Variants in TC2N observed in about 807,000 individuals in gnomAD.
The protein encoded by TC2N is tandem C2 domains nuclear protein.
A neutral mutation model predicts 61.9 loss-of-function variants in TC2N; 51 were observed. That is an observed-to-expected ratio of 0.82 (90% CI 0.66 to 1.04). The LOEUF is 1.04. Ranked by LOEUF, TC2N falls within the 50% of genes least tolerant of loss-of-function variation. TC2N has a pLI of 0.00. For synonymous variants in TC2N, 204 were observed against 192.6 expected, an observed-to-expected ratio of 1.06 and a Z score of -0.49; for missense variants, 556 against 566.7, an observed-to-expected ratio of 0.98 and a Z score of 0.19.
chr14:91,839,840 C>T (rs1888131396), intron 1 of TC2N, among the ~76,000 whole-genome samples: 1 of 152,196 alleles, frequency 6.6e-6, no homozygotes, highest in African/African-American at 2.4e-5. Context: ...TAGGCACTTG[C>T]TTCAGAGAGG....
chr14:91,826,946 A>G (rs1290083515), intron 1 of TC2N, among the ~76,000 whole-genome samples: 2 of 152,130 alleles, frequency 1.3e-5, no homozygotes, highest in African/African-American at 4.8e-5. Flanking sequence ...TTGTTTACCA[A>G]CCTTTCTGTC....
At chr14:91,820,716 T>A (rs1022791621) in intron 1 of TC2N, among the ~76,000 whole-genome samples, 7 of 139,652 alleles carry the variant, frequency 5.0e-5, no homozygotes, top group African/African-American at 1.0e-4. Flanking sequence ...AAAAAAAAAA[T>A]CTAAGAAATT....
Position 91,782,209 on chromosome 14 carries a change from A to T in TC2N, c.*891T>A, listed in dbSNP as rs1885163216. ...ATAATCAGGTATGGTTATGAAAAAA[A>T]TGAGAAAATACTCAAACACGGTAAA... is the stretch of plus-strand genomic sequence containing the variant. On this transcript the variant is annotated 3_prime_UTR_variant, in exon 12 of 12. Coordinates refer to ENST00000435962, the MANE Select transcript of TC2N (RefSeq NM_001128596.3). 1 of 152,058 alleles carries T rather than the reference A, an allele frequency of 6.6e-6. No individual in the cohort carries two copies. 9.4% of individuals were successfully genotyped at this position (152,058 alleles called of 1,614,324 possible). A position where few individuals can be genotyped will look rare whatever the true frequency, so the allele number is the denominator to read the frequency against.
intron 8 of TC2N, among the ~76,000 whole-genome samples, chr14:91,796,953 CAA>C (rs1566764515): frequency 1.2e-5 from 1 of 86,934 alleles, no homozygotes; most frequent in Non-Finnish European, 2.3e-5. Context: ...ACAAAACTTC[CAA>C]GAGTATTTTA....
chr14:91,798,816 G>A (rs10873413), intron 6 of TC2N, among the ~76,000 whole-genome samples, 173 bp downstream of exon 6: 131,064 of 151,910 alleles, frequency 0.86, 58,684 homozygotes, highest in Non-Finnish European at 0.97. Flanking sequence ...CATGTGATCT[G>A]AGTATCCATA....
chr14:91,816,238 G>T (rs1029241112), intron 1 of TC2N, among the ~76,000 whole-genome samples: 1 of 151,652 alleles, frequency 6.6e-6, no homozygotes, highest in Non-Finnish European at 1.5e-5. Flanking sequence ...ATTCCCAATA[G>T]CAATATGTAA....
intron 11 of TC2N, 132 bp downstream of exon 11, chr14:91,785,030 G>T: frequency 1.8e-6 from 1 of 549,190 alleles, no homozygotes; most frequent in Non-Finnish European, 3.0e-6. Context: ...GATTTTTGTA[G>T]CAATTGAATT....
At chr14:91,861,217 CAGA>C (rs1888581787) in intron 1 of TC2N, among the ~76,000 whole-genome samples, 1 of 152,102 alleles carries the variant, frequency 6.6e-6, no homozygotes, top group African/African-American at 2.4e-5. Flanking sequence ...AATGAATCCT[CAGA>C]AGAACAGCCA....
chr14:91,798,329 T>G lies in TC2N; in HGVS notation c.708A>C (p.Ser236=). The change falls in exon 7 of 12, where the codon TCA becomes TCC. Residue 236 remains serine, a synonymous_variant. Transcript: ENST00000435962. ...RLNVKLFYNS[S]VEQIWITVLQ... ...AAACTGTGATCCAGATCTGTTCTACTGAAGAATTATAAAACAATTTCACAT... is the reference window on the plus strand; with the variant it reads ...AAACTGTGATCCAGATCTGTTCTACGGAAGAATTATAAAACAATTTCACAT... 1 of 1,590,226 alleles carries G rather than the reference T, an allele frequency of 6.3e-7. No individual in the cohort carries two copies. The highest frequency in any genetic ancestry group is 1.1e-5 in the South Asian group (1 of 88,454).
chr14:91,839,877 T>G (rs1888132005), intron 1 of TC2N, among the ~76,000 whole-genome samples: 1 of 152,244 alleles, frequency 6.6e-6, no homozygotes, highest in South Asian at 2.1e-4. Context: ...GTGTCATGGA[T>G]GCTCACCAAA....
At chr14:91,830,232 A>G (rs1313105081) in intron 1 of TC2N, among the ~76,000 whole-genome samples, 1 of 152,240 alleles carries the variant, frequency 6.6e-6, no homozygotes, top group Non-Finnish European at 1.5e-5. Flanking sequence ...TTTCCACACA[A>G]AAACATTTTA....
intron 1 of TC2N, among the ~76,000 whole-genome samples, chr14:91,845,731 C>T (rs576423132): frequency 1.3e-5 from 2 of 152,332 alleles, no homozygotes; most frequent in East Asian, 3.9e-4. Flanking sequence ...ACCCCTCAGC[C>T]TCGCATTCCA....
intron 4 of TC2N, among the ~76,000 whole-genome samples, chr14:91,801,893 G>T (rs80311231): frequency 0.016 from 2,473 of 152,166 alleles, 29 homozygotes; most frequent in Non-Finnish European, 0.025. Context: ...ACTTTTGAAT[G>T]ATAACAAAAA....
intron 11 of TC2N, among the ~76,000 whole-genome samples, chr14:91,784,122 C>A (rs530931821): frequency 4.6e-5 from 7 of 152,102 alleles, no homozygotes; most frequent in East Asian, 1.9e-4. Context: ...CAGCAAGAAC[C>A]TTTCCAGAAT....
At chr14:91,811,624 T>C (rs557663412) in intron 3 of TC2N, among the ~76,000 whole-genome samples, 4 of 152,084 alleles carry the variant, frequency 2.6e-5, no homozygotes, top group Non-Finnish European at 4.4e-5. Context: ...GGAAAAGTGA[T>C]TACTAACCAA....
intron 1 of TC2N, among the ~76,000 whole-genome samples, chr14:91,842,116 C>T (rs2139910201): frequency 6.6e-6 from 1 of 151,968 alleles, no homozygotes; most frequent in Non-Finnish European, 1.5e-5. Flanking sequence ...GCCAACACAC[C>T]CAGCTAATTT....
intron 10 of TC2N, among the ~76,000 whole-genome samples, chr14:91,786,604 C>T (rs1885375570): frequency 6.6e-6 from 1 of 152,116 alleles, no homozygotes; most frequent in South Asian, 2.1e-4. Flanking sequence ...TGCTGAATTT[C>T]TCAGAAAGTC....
At chr14:91,792,752 A>G (rs1250517492) in intron 8 of TC2N, among the ~76,000 whole-genome samples, 194 bp from the exon 9 acceptor site, 1 of 152,104 alleles carries the variant, frequency 6.6e-6, no homozygotes, top group East Asian at 1.9e-4. Context: ...TACCTTTCTT[A>G]ATTTCACAAA....
intron 1 of TC2N, among the ~76,000 whole-genome samples, chr14:91,849,571 A>C (rs1888333860): frequency 6.6e-6 from 1 of 152,224 alleles, no homozygotes; most frequent in Non-Finnish European, 1.5e-5. Flanking sequence ...TATTTTGCCT[A>C]AGTTAATACA....
Sources: gnomAD v4.1 joint callset for allele counts (sites outside exome capture counted in the v4.1 genomes callset) on GRCh38, gnomAD v4.1.1 for gene constraint, MANE v1.5 for transcripts, NCBI Gene and HGNC (gene_info 2026-07-23, HGNC 2026-07-21) for gene names.